STK3: variants seen among roughly 807,000 people sequenced by gnomAD.
STK3 encodes the protein serine/threonine-protein kinase 3.
Under a neutral mutation model 58.0 loss-of-function variants are expected in STK3, and 41 were observed. The ratio of observed to expected loss-of-function variants is 0.71; its 90% CI spans 0.55 to 0.92. The LOEUF is 0.92. STK3 is among the 40% of genes least tolerant of loss of function. The pLI, the probability that STK3 is intolerant of heterozygous loss-of-function variation, is 0.00. For missense variants in STK3, 479 were observed against 602.7 expected, an observed-to-expected ratio of 0.79 and a Z score of 2.15; for synonymous variants, 170 against 191.0, an observed-to-expected ratio of 0.89 and a Z score of 0.91.
chr8:98,779,299 A>G (rs940688787), intron 1 of STK3, among the ~76,000 whole-genome samples: 1 of 152,184 alleles, frequency 6.6e-6, no homozygotes, highest in African/African-American at 2.4e-5. Flanking sequence ...TACCCTGAAC[A>G]TATTTTTTTT....
At position 98,428,164 on chromosome 8, in the gene STK3, A is replaced by T; in HGVS notation, n.483+5963T>A. On this transcript the variant is annotated intron_variant and non_coding_transcript_variant, in intron 3 of 3. Transcript: ENST00000517832. The surrounding 1 kb of genome is among the most constrained non-coding windows in gnomAD (Gnocchi z 6.7). ...GCCATTCTGGAGCTCTGCGATGACT[A>T]CGACGACGTCCAGCGGGAGTTCTAC... 6.2e-7 allele frequency: 1 copy of T among 1,614,012 alleles called. No individual in the cohort carries two copies. The highest frequency in any genetic ancestry group is 8.5e-7 in the Non-Finnish European group (1 of 1,179,984).
chr8:98,704,900 C>A (rs981731064), intron 6 of STK3, among the ~76,000 whole-genome samples: 1 of 152,148 alleles, frequency 6.6e-6, no homozygotes, highest in Non-Finnish European at 1.5e-5. Flanking sequence ...GTAAACCTCA[C>A]TGATTCAAAC....
rs538755237 is a variant in STK3, at chr8:98,534,108, A to G, written c.1142-7191T>C. ...AAGTAATAACAGAATGATCTATCCC[A>G]GTAGAGTCAGAAAGAACCTGATTTT... On this transcript the variant is annotated intron_variant, in intron 9 of 10. Transcript: ENST00000419617. Among the ~76,000 whole-genome samples, 42 of 152,368 alleles carry G rather than the reference A, an allele frequency of 2.8e-4. 1 individual carries two copies. Among genetic ancestry groups the G allele is most frequent in the African/African-American group, 7.7e-4 (32 of 41,592 alleles).
intron 8 of STK3, among the ~76,000 whole-genome samples, chr8:98,560,009 C>T (rs963501504): frequency 6.6e-6 from 1 of 152,034 alleles, no homozygotes; most frequent in African/African-American, 2.4e-5. Flanking sequence ...TCATGCATAC[C>T]TCTATCACAG....
chr8:98,458,287 A>C (rs79499882), intron 10 of STK3, among the ~76,000 whole-genome samples: 3,073 of 152,192 alleles, frequency 0.02, 47 homozygotes, highest in Non-Finnish European at 0.028. Context: ...CTTTTTCATA[A>C]TATTGATTCT....
chr8:98,902,993 T>G (rs1838716593), intron 1 of STK3, among the ~76,000 whole-genome samples: 1 of 152,202 alleles, frequency 6.6e-6, no homozygotes, highest in South Asian at 2.1e-4. Context: ...TGCCTTTCAC[T>G]TAAGACAAAA....
intron 8 of STK3, among the ~76,000 whole-genome samples, chr8:98,558,940 T>A (rs1811803135): frequency 6.6e-6 from 1 of 152,056 alleles, no homozygotes; most frequent in Non-Finnish European, 1.5e-5. Flanking sequence ...CATGCTAAAG[T>A]AACAATATTG....
intron 10 of STK3, among the ~76,000 whole-genome samples, chr8:98,513,371 A>G (rs1159981596): frequency 6.6e-6 from 1 of 152,164 alleles, no homozygotes; most frequent in East Asian, 1.9e-4. Flanking sequence ...CAAGTTGCAC[A>G]GCACCAAGAT....
intron 1 of STK3, among the ~76,000 whole-genome samples, chr8:98,776,737 T>C (rs1229962289): frequency 6.6e-6 from 1 of 151,520 alleles, no homozygotes; most frequent in Non-Finnish European, 1.5e-5. Flanking sequence ...CTTTGAAGGA[T>C]TCTGTATGTC....
chr8:98,913,924 G>C (rs1411412444), intron 1 of STK3, among the ~76,000 whole-genome samples: 1 of 152,176 alleles, frequency 6.6e-6, no homozygotes, highest in Non-Finnish European at 1.5e-5. Context: ...ACGGAGGCTG[G>C]ATTTATCAGG....
chr8:98,782,083 T>G (rs1229024386), intron 1 of STK3: 1 of 234,464 alleles, frequency 4.3e-6, no homozygotes, highest in African/African-American at 2.3e-5. Context: ...TCTAGTGTCC[T>G]CCGCTGTGGC....
At chr8:98,525,009 T>C (rs1034494829) in intron 10 of STK3, among the ~76,000 whole-genome samples, 1 of 152,226 alleles carries the variant, frequency 6.6e-6, no homozygotes, top group African/African-American at 2.4e-5. Context: ...TTCTTAACCA[T>C]GATAATTTAT....
intron 10 of STK3, among the ~76,000 whole-genome samples, chr8:98,505,012 C>T (rs1026423979): frequency 6.6e-6 from 1 of 152,204 alleles, no homozygotes. Flanking sequence ...TTCTCCCCAT[C>T]ACTTTCAGGC....
intron 3 of STK3, among the ~76,000 whole-genome samples, chr8:98,877,742 C>T (rs1837609587): frequency 6.6e-6 from 1 of 152,018 alleles, no homozygotes; most frequent in African/African-American, 2.4e-5. Flanking sequence ...CTCGGCCTCC[C>T]AAAGTGTTGG....
upstream of STK3, among the ~76,000 whole-genome samples, chr8:98,390,661 G>A (rs999277457): frequency 1.3e-5 from 2 of 151,266 alleles, no homozygotes; most frequent in Non-Finnish European, 2.9e-5. Context: ...CTTCCTTTCT[G>A]GGTCTCTGAT....
intron 6 of STK3, among the ~76,000 whole-genome samples, chr8:98,627,905 G>C (rs1818858583): frequency 6.6e-6 from 1 of 151,868 alleles, no homozygotes; most frequent in South Asian, 2.1e-4. Context: ...TGTACATGTG[G>C]GTATCTAATT....
At chr8:98,715,430 T>C (rs1826916712) in intron 4 of STK3, among the ~76,000 whole-genome samples, 1 of 150,758 alleles carries the variant, frequency 6.6e-6, no homozygotes, top group Non-Finnish European at 1.5e-5. Context: ...TCAAACAAAT[T>C]TACAAGAAAA....
At chr8:98,578,117 C>A (rs568910179) in intron 8 of STK3, among the ~76,000 whole-genome samples, 4 of 152,102 alleles carry the variant, frequency 2.6e-5, no homozygotes, top group Admixed American at 2.6e-4. Context: ...GCCTTTGAAA[C>A]CACAAGAAAC....
At chr8:98,864,181 G>A (rs898824599) in intron 3 of STK3, among the ~76,000 whole-genome samples, 7 of 120,354 alleles carry the variant, frequency 5.8e-5, no homozygotes, top group African/African-American at 2.2e-4. Flanking sequence ...CTGGGCGACA[G>A]AGCGAGACTC....
Sources: gnomAD v4.1 joint callset for allele counts (sites outside exome capture counted in the v4.1 genomes callset) on GRCh38, gnomAD v4.1.1 for gene constraint, Gnocchi (gnomAD v3.1) non-coding constraint, MANE v1.5 for transcripts, NCBI Gene and HGNC (gene_info 2026-07-23, HGNC 2026-07-21) for gene names.